The following PSG4 variants were observed in gnomAD, a reference collection of about 807,000 sequenced individuals.
PSG4 encodes the protein pregnancy-specific beta-1-glycoprotein 4.
A neutral mutation model predicts 44.3 loss-of-function variants in PSG4; 61 were observed. The ratio of observed to expected loss-of-function variants is 1.38; its 90% CI spans 1.12 to 1.70. The LOEUF (loss-of-function observed/expected upper bound fraction) is 1.70. Ranked by LOEUF, PSG4 falls within the 40% of genes most tolerant of loss-of-function variation. The probability of loss-of-function intolerance (pLI) is 0.00; values close to 1 mark genes in which losing one functional copy is unlikely to be tolerated. For synonymous variants in PSG4, 248 were observed against 191.3 expected (o/e 1.30, Z -2.45); for missense variants, 677 against 511.7 (o/e 1.32, Z -3.12).
In PSG4 at chr19:43,203,160, C is replaced by T. The variant is rs1165679140; in HGVS notation, c.430+726G>A. On this transcript the variant is annotated intron_variant, in intron 2 of 5. Transcript: ENST00000405312. Reference sequence around the variant, plus strand: ...TTGCTTCCATGAGAAAACACCTTTACATCAGATCCCTGTGGACAATCTGCT... The same window carrying T: ...TTGCTTCCATGAGAAAACACCTTTATATCAGATCCCTGTGGACAATCTGCT... 2.0e-5 allele frequency: 3 copies of T among 146,926 alleles called. 1 individual carries two copies. Among genetic ancestry groups the T allele is most frequent in the African/African-American group, 5.2e-5 (2 of 38,250 alleles). The allele number at this position is 146,926 out of a possible 1,614,324, so 9.1% of individuals were successfully genotyped here.
rs1967531748 is a variant in PSG4 at position 43,201,942 on chromosome 19, G to A, written c.430+1944C>T. ...CACAGGTCAGCCTCACAAAGGGAAAGAGCCCTTGAAGGGAATACAGTAGAA... is the reference window on the plus strand; with the variant it reads ...CACAGGTCAGCCTCACAAAGGGAAAAAGCCCTTGAAGGGAATACAGTAGAA... On this transcript the variant is annotated intron_variant, in intron 2 of 5. Coordinates refer to ENST00000405312, the MANE Select transcript of PSG4 (RefSeq NM_002780.5). Among the ~76,000 whole-genome samples the A allele has an allele frequency of 1.4e-5, 2 of 144,374 alleles. 1 individual carries two copies. The highest frequency in any genetic ancestry group is 5.4e-5 in the African/African-American group (2 of 37,064). The allele number at this position is 144,374 out of a possible 152,430, so 94.7% of individuals were successfully genotyped here.
chr19:43,195,309 G>A lies in PSG4; in HGVS notation c.710-36C>T, dbSNP rs747102646. ...AACAGAGAGAAGATTGTCCTGTGTG[G>A]CACCTTTGATTCCTCCACAGGCATA... On this transcript the variant is annotated intron_variant, in intron 3 of 5. Coordinates refer to ENST00000405312, the MANE Select transcript of PSG4 (RefSeq NM_002780.5). 5 of 1,601,164 alleles carry A rather than the reference G, an allele frequency of 3.1e-6. No individual in the cohort carries two copies. In the East Asian group the frequency reaches 8.9e-5, roughly 29 times the overall value.
At chr19:43,193,488 G>A (rs1568381848) in intron 5 of PSG4, 100 bp from the exon 6 acceptor site, 1 of 748,528 alleles carries the variant, frequency 1.3e-6, no homozygotes. Flanking sequence ...TTCTCTCTAT[G>A]GGCATCTCTA....
At chr19:43,197,678 C>A in intron 3 of PSG4, 2 of 440,002 alleles carry the variant, frequency 4.5e-6, no homozygotes, top group Admixed American at 3.7e-5. Context: ...CACAGTGACC[C>A]TGTGAGCCAA....
intron 2 of PSG4, chr19:43,203,596 T>A: frequency 2.3e-6 from 1 of 429,458 alleles, no homozygotes; most frequent in Non-Finnish European, 3.8e-6. Flanking sequence ...AGCGTCAAAT[T>A]TATGAAGAGG....
rs1967644062 is a variant in PSG4 at position 43,204,056 on chromosome 19, T to C, written c.260A>G (p.Gln87Arg). 2 of 1,587,040 alleles carry C rather than the reference T, an allele frequency of 1.3e-6. No homozygotes were observed. Among genetic ancestry groups the C allele is most frequent in the African/African-American group, 2.9e-5 (2 of 69,732 alleles). The change falls in exon 2 of 6, where the codon CAA becomes CGA. Residue 87 changes from glutamine to arginine, a missense_variant. Coordinates refer to ENST00000405312, the MANE Select transcript of PSG4 (RefSeq NM_002780.5). ...HYITSYVVDG[Q>R]RIIYGPAYSG... ...GTATGCAGGCCCATATATAATTCTT[T>C]GACCGTCTACTACATATGATGTAAT... is the stretch of plus-strand genomic sequence containing the variant.
intron 1 of PSG4, chr19:43,204,472 C>G (rs1477341660): frequency 5.9e-6 from 4 of 678,420 alleles, no homozygotes; most frequent in Non-Finnish European, 8.8e-6. Flanking sequence ...ACACTTCTGA[C>G]CTTGGCATTT....
intron 1 of PSG4, chr19:43,204,543 C>A: frequency 7.8e-6 from 3 of 383,086 alleles, no homozygotes; most frequent in Non-Finnish European, 4.5e-6. Context: ...GCCCTCAGGT[C>A]CTGCTCACAT....
rs28758934 is a variant in PSG4, at chr19:43,195,140, A to T, written c.843T>A (p.Pro281=). The T allele has an allele frequency of 5.0e-6, 8 of 1,608,856 alleles. No homozygotes were observed. Among genetic ancestry groups the T allele is most frequent in the South Asian group, 1.1e-5 (1 of 90,826 alleles). ...YIWWLNGQSL[P]VSPRVKRPIE... ...TGGGTCGCTTTACCCTGGGACTGAC[A>T]GGGAGGCTCTGACCATTTAGCCACC... is the stretch of plus-strand genomic sequence containing the variant. The change falls in exon 4 of 6, where the codon CCT becomes CCA. Residue 281 remains proline (P), a synonymous_variant. Coordinates refer to ENST00000405312, the MANE Select transcript of PSG4 (RefSeq NM_002780.5).
rs776960535 is a variant in PSG4 at position 43,194,385 on chromosome 19, C to A, written c.1198G>T (p.Ala400Ser). The A allele has an allele frequency of 6.2e-7, 1 of 1,612,374 alleles. No homozygotes were observed. Among genetic ancestry groups the A allele is most frequent in the Non-Finnish European group, 8.5e-7 (1 of 1,179,138 alleles). ...GLYACSVRNS[A>S]TGKESSKSIT... ...GATTTGGAGCTTTCCTTGCCAGTGG[C>A]TGAGTTACGAACAGAGCAAGCATAG... is the stretch of plus-strand genomic sequence containing the variant. The change falls in exon 5 of 6, where the codon GCC (alanine) becomes TCC (serine). Residue 400 changes from alanine (A) to serine (S), a missense_variant. Coordinates refer to ENST00000405312, the MANE Select transcript of PSG4 (RefSeq NM_002780.5).
In PSG4 at chr19:43,194,817, T is replaced by C; in HGVS notation, c.988+178A>G. ...ATGACAAGAGCGTCCCCTCCCCTTATATTCTTGGTTAAGGCTGTGCCTACC... is the reference window on the plus strand; with the variant it reads ...ATGACAAGAGCGTCCCCTCCCCTTACATTCTTGGTTAAGGCTGTGCCTACC... On this transcript the variant is annotated intron_variant, in intron 4 of 5. Transcript: ENST00000405312. The C allele has an allele frequency of 8.3e-6, 12 of 1,440,722 alleles. 1 individual carries two copies. The highest frequency in any genetic ancestry group is 1.1e-5 in the Non-Finnish European group (12 of 1,080,290). 89.2% of individuals were successfully genotyped at this position (1,440,722 alleles called of 1,614,324 possible).
In PSG4 at chr19:43,194,588, G is replaced by A. The variant is rs753121035; in HGVS notation, c.995C>T (p.Pro332Leu). 9 of 1,609,676 alleles carry A rather than the reference G, an allele frequency of 5.6e-6. No homozygotes were observed. The highest frequency in any genetic ancestry group is 6.8e-6 in the Non-Finnish European group (8 of 1,177,560). ...TGAAGGGTAAATGCTGGGGAGGTCT[G>A]GACCATCTGGCGCAAAGAGAATAAA... ...DPVTLNVLYG[P>L]DLPSIYPSFT... Residue 332 changes from proline (P) to leucine (L), a missense_variant, in exon 5 of 6, where the codon CCA becomes CTA. By Grantham distance (98) the Pro-to-Leu change is moderately conservative. Coordinates refer to ENST00000405312, the MANE Select transcript of PSG4 (RefSeq NM_002780.5).
chr19:43,205,597 G>C lies in PSG4; in HGVS notation c.-61C>G. 1 of 1,461,148 alleles carries C rather than the reference G, an allele frequency of 6.8e-7. No individual in the cohort carries two copies. Among genetic ancestry groups the C allele is most frequent in the Non-Finnish European group, 9.2e-7 (1 of 1,089,380 alleles). The allele number at this position is 1,461,148 out of a possible 1,614,324, so 90.5% of individuals were successfully genotyped here. A position where few individuals can be genotyped will look rare whatever the true frequency, so the allele number is the denominator to read the frequency against. ...TAAGCCTAGGATCCAGAAGCTTCCT[G>C]AGTACGGCTGTCAGCTGTGCTGTCC... is the stretch of plus-strand genomic sequence containing the variant. On this transcript the variant is annotated 5_prime_UTR_variant, in exon 1 of 6. Transcript: ENST00000405312.
chr19:43,205,205 G>T (rs978069932), intron 1 of PSG4, among the ~76,000 whole-genome samples: 4 of 129,278 alleles, frequency 3.1e-5, no homozygotes, highest in Middle Eastern at 4.1e-3. Context: ...CCTCGTGGGT[G>T]CACGTGATTC....
rs1354626589 is a variant in PSG4 at position 43,204,042 on chromosome 19, C to G, written c.274G>C (p.Gly92Arg). 6.3e-7 allele frequency: 1 copy of G among 1,587,162 alleles called. No homozygotes were observed. Among genetic ancestry groups the G allele is most frequent in the Admixed American group, 1.7e-5 (1 of 58,390 alleles). ...CTTTCTCTTCCACTGTATGCAGGCC[C>G]ATATATAATTCTTTGACCGTCTACT... ...YVVDGQRIIY[G>R]PAYSGRERVY... is the part of the protein sequence containing the mutation. Residue 92 changes from glycine to arginine, a missense_variant, in exon 2 of 6, where the codon GGG becomes CGG. Gly to Arg is a moderately radical substitution (Grantham distance 125, BLOSUM62 -2). Transcript: ENST00000405312.
At chr19:43,198,556 C>G (rs1312011543) in intron 2 of PSG4, 1 of 482,266 alleles carries the variant, frequency 2.1e-6, no homozygotes, top group Non-Finnish European at 3.2e-6. Context: ...AGACCCGATG[C>G]CTCTCTGAGT....
In PSG4 at chr19:43,204,256, G is replaced by T. The variant is rs747634076; in HGVS notation, c.65-5C>A. On this transcript the variant is annotated splice_polypyrimidine_tract_variant and splice_region_variant and intron_variant, in intron 1 of 5. Transcript: ENST00000405312. ...TCCAGAAGTTTAAAAGTGATGCTAGGAGGTACAGAGAGCATCAGTTAATAT... is the reference window on the plus strand; with the variant it reads ...TCCAGAAGTTTAAAAGTGATGCTAGTAGGTACAGAGAGCATCAGTTAATAT... The T allele has an allele frequency of 2.8e-5, 43 of 1,562,476 alleles. 2 individuals carry two copies. The Middle Eastern group carries it at 5.1e-4, about 19-fold the overall frequency.
chr19:43,200,471 C>T (rs975926901), intron 2 of PSG4, among the ~76,000 whole-genome samples: 6 of 145,202 alleles, frequency 4.1e-5, no homozygotes, highest in Non-Finnish European at 7.5e-5. Context: ...TTGAACTTTC[C>T]TGTTTCAGTT....
At position 43,197,807 on chromosome 19, in the gene PSG4, C is replaced by T. The variant is rs1030649374; in HGVS notation, c.709+190G>A. On this transcript the variant is annotated intron_variant, in intron 3 of 5. Coordinates refer to ENST00000405312, the MANE Select transcript of PSG4 (RefSeq NM_002780.5). The stretch of plus-strand genomic sequence containing the variant: ...CCTGAGTCTCCCATGACAGGAGCAG[C>T]CTCTTTTCTCCTATTGTGGATCAAG... The T allele has an allele frequency of 6.8e-6, 8 of 1,181,324 alleles. No individual in the cohort carries two copies. The African/African-American group carries it at 1.2e-4, about 18-fold the overall frequency. 73.2% of individuals were successfully genotyped at this position (1,181,324 alleles called of 1,614,324 possible). A position where few individuals can be genotyped will look rare whatever the true frequency, so the allele number is the denominator to read the frequency against.
Sources: gnomAD v4.1 joint callset for allele counts (sites outside exome capture counted in the v4.1 genomes callset) on GRCh38, gnomAD v4.1.1 for gene constraint, MANE v1.5 for transcripts, NCBI Gene and HGNC (gene_info 2026-07-23, HGNC 2026-07-21) for gene names.